Variants in PRKAG2 observed in about 807,000 individuals in gnomAD.
PRKAG2 encodes 5'-AMP-activated protein kinase subunit gamma-2.
In PRKAG2, 26 loss-of-function variants were observed where a neutral mutation model predicts 69.6. The observed-to-expected ratio is 0.37, with a 90% CI of 0.27 to 0.52. PRKAG2 has a LOEUF of 0.52. Ranked by LOEUF, PRKAG2 falls within the 20% of genes least tolerant of loss-of-function variation. PRKAG2 has a pLI of 0.90. For missense variants in PRKAG2, 557 were observed against 740.0 expected, an observed-to-expected ratio of 0.75 and a Z score of 2.87; for synonymous variants, 293 against 285.0, an observed-to-expected ratio of 1.03 and a Z score of -0.28.
intron 1 of PRKAG2, among the ~76,000 whole-genome samples, chr7:151,801,225 G>T (rs1355737319): frequency 6.6e-6 from 1 of 152,216 alleles, no homozygotes; most frequent in Non-Finnish European, 1.5e-5. Flanking sequence ...ACAGAGAAAG[G>T]TGCATGCCAT....
At chr7:151,559,282 C>G in intron 15 of PRKAG2, 1 of 979,308 alleles carries the variant, frequency 1.0e-6, no homozygotes, top group Non-Finnish European at 1.2e-6. Context: ...CACAATTTAT[C>G]CATTCTTCTT....
chr7:151,579,139 C>G (rs1809742645), intron 6 of PRKAG2, among the ~76,000 whole-genome samples: 1 of 152,192 alleles, frequency 6.6e-6, no homozygotes, highest in African/African-American at 2.4e-5. Flanking sequence ...ATTCTCCCAC[C>G]TCAGCCTTCC....
intron 3 of PRKAG2, among the ~76,000 whole-genome samples, chr7:151,763,055 C>T (rs556555693): frequency 3.3e-5 from 5 of 152,226 alleles, no homozygotes; most frequent in Non-Finnish European, 5.9e-5. Context: ...GGCTCCTCCC[C>T]TCTCAGCCTG....
At chr7:151,672,694 C>G (rs1563393185) in intron 4 of PRKAG2, among the ~76,000 whole-genome samples, 1 of 152,120 alleles carries the variant, frequency 6.6e-6, no homozygotes, top group Non-Finnish European at 1.5e-5. Context: ...CCGTGTCACT[C>G]CCTGCGTCGG....
intron 1 of PRKAG2, chr7:151,809,792 C>G (rs1415803302): frequency 6.5e-6 from 1 of 153,770 alleles, no homozygotes; most frequent in African/African-American, 2.4e-5. Flanking sequence ...AGCAATCACC[C>G]TTCGGATGCT....
chr7:151,819,747 TACGGGTGAAA>T (rs11275357), intron 1 of PRKAG2, among the ~76,000 whole-genome samples: 80,138 of 151,594 alleles, frequency 0.53, 21,370 homozygotes, highest in South Asian at 0.56. Context: ...CCTGGAGCCT[TACGGGTGAAA>T]ACCGGTCCCC....
intron 4 of PRKAG2, among the ~76,000 whole-genome samples, chr7:151,667,087 G>A (rs182893610): frequency 6.6e-6 from 1 of 152,300 alleles, no homozygotes; most frequent in East Asian, 1.9e-4. Flanking sequence ...ACTGGCTGGT[G>A]TCAGAGTATA....
chr7:151,609,156 C>T (rs1458764671), intron 5 of PRKAG2, among the ~76,000 whole-genome samples: 2 of 152,156 alleles, frequency 1.3e-5, no homozygotes, highest in Non-Finnish European at 2.9e-5. Flanking sequence ...TTGCAGAAGA[C>T]CTTCAAATGT....
intron 4 of PRKAG2, among the ~76,000 whole-genome samples, chr7:151,663,796 G>A (rs557052205): frequency 6.6e-6 from 1 of 152,276 alleles, no homozygotes; most frequent in South Asian, 2.1e-4. Context: ...GCCTTTCTGG[G>A]GATGAGACTC....
intron 1 of PRKAG2, among the ~76,000 whole-genome samples, chr7:151,855,413 CAT>C (rs372047997): frequency 2.3e-4 from 7 of 30,908 alleles, no homozygotes; most frequent in Non-Finnish European, 4.5e-4. Context: ...CCACCCTCCA[CAT>C]ACACCATGCT....
chr7:151,631,858 C>T (rs1353934800), intron 5 of PRKAG2: 4 of 494,784 alleles, frequency 8.1e-6, no homozygotes, highest in East Asian at 6.8e-5. Context: ...GCCTGGCTCG[C>T]GTCCCCTCCG....
chr7:151,573,889 G>A (rs1043020439), intron 8 of PRKAG2, among the ~76,000 whole-genome samples: 4 of 152,028 alleles, frequency 2.6e-5, no homozygotes, highest in African/African-American at 9.7e-5. Context: ...AGCGATTCTT[G>A]TGCCTCAGCC....
At chr7:151,724,534 C>T (rs909133539) in intron 3 of PRKAG2, among the ~76,000 whole-genome samples, 7 of 152,110 alleles carry the variant, frequency 4.6e-5, no homozygotes, top group South Asian at 2.1e-4. Context: ...AACTTCTGCG[C>T]GGGCCCTTGG....
intron 1 of PRKAG2, among the ~76,000 whole-genome samples, chr7:151,813,373 C>T (rs1881635): frequency 0.11 from 15,965 of 151,936 alleles, 1,739 homozygotes; most frequent in East Asian, 0.5. Flanking sequence ...AATCAAGCCT[C>T]CCCCCAGGAG....
chr7:151,790,161 G>A (rs959557634), intron 1 of PRKAG2, among the ~76,000 whole-genome samples: 31 of 152,092 alleles, frequency 2.0e-4, no homozygotes, highest in Non-Finnish European at 4.6e-4. Context: ...CCATAGCAAT[G>A]CAGGAATCAC....
chr7:151,784,191 A>T (rs2076880081), intron 2 of PRKAG2, among the ~76,000 whole-genome samples: 1 of 152,118 alleles, frequency 6.6e-6, no homozygotes, highest in Non-Finnish European at 1.5e-5. Flanking sequence ...TGTGAACCGG[A>T]AGAGGAGCCG....
intron 3 of PRKAG2, among the ~76,000 whole-genome samples, chr7:151,709,405 T>C (rs1383616552): frequency 6.6e-6 from 1 of 152,094 alleles, no homozygotes; most frequent in Non-Finnish European, 1.5e-5. Flanking sequence ...TGATGTGATA[T>C]TGAGTGCTGT....
At chr7:151,720,335 A>C (rs2151637565) in intron 3 of PRKAG2, among the ~76,000 whole-genome samples, 1 of 152,010 alleles carries the variant, frequency 6.6e-6, no homozygotes, top group Non-Finnish European at 1.5e-5. Context: ...CAGCCCCAAA[A>C]GCACCCTAGA....
chr7:151,689,253 C>T (rs1835262164), intron 3 of PRKAG2, among the ~76,000 whole-genome samples: 1 of 152,176 alleles, frequency 6.6e-6, no homozygotes, highest in South Asian at 2.1e-4. Flanking sequence ...CAGTGGCCTC[C>T]CACAATGGTC....
Sources: gnomAD v4.1 joint callset for allele counts (sites outside exome capture counted in the v4.1 genomes callset) on GRCh38, gnomAD v4.1.1 for gene constraint, MANE v1.5 for transcripts, NCBI Gene and HGNC (gene_info 2026-07-23, HGNC 2026-07-21) for gene names.